Variants in KANK1 observed in about 807,000 individuals in gnomAD.
The protein encoded by KANK1 is KN motif and ankyrin repeat domain-containing protein 1.
A neutral mutation model predicts 106.2 loss-of-function variants in KANK1; 109 were observed. The ratio of observed to expected loss-of-function variants is 1.03; its 90% CI spans 0.88 to 1.20. The LOEUF is 1.20. Among genes scored for constraint, KANK1 ranks in the 50% most tolerant of loss-of-function variants. The probability of loss-of-function intolerance (pLI) is 0.00; values close to 1 mark genes in which losing one functional copy is unlikely to be tolerated. For missense variants in KANK1, 2,399 were observed against 1,710.7 expected (o/e 1.40, Z -7.10); for synonymous variants, 873 against 652.2 (o/e 1.34, Z -5.16).
chr9:712,134 G>A lies in KANK1; in HGVS notation c.1368G>A (p.Glu456=), dbSNP rs1250604570. 2 of 1,614,006 alleles carry A rather than the reference G, an allele frequency of 1.2e-6. No individual in the cohort carries two copies. The highest frequency in any genetic ancestry group is 1.3e-5 in the African/African-American group (1 of 74,936). The part of the protein sequence containing the change: ...GVMTEADKEI[E]LQQQTIESLK... ...TGACTGAAGCTGACAAAGAAATTGA[G>A]CTGCAACAGCAGACCATAGAATCCT... is the stretch of plus-strand genomic sequence containing the variant. Residue 456 remains glutamate (E), a synonymous_variant, in exon 3 of 12, where the codon GAG becomes GAA. Transcript: ENST00000382297.
intron 1 of KANK1, among the ~76,000 whole-genome samples, chr9:534,661 G>T (rs1251814530): frequency 6.6e-6 from 1 of 152,194 alleles, no homozygotes; most frequent in Non-Finnish European, 1.5e-5. Flanking sequence ...TCATCCTGGG[G>T]AATGAATTAC....
intron 1 of KANK1, among the ~76,000 whole-genome samples, chr9:616,585 C>T (rs1374046071): frequency 6.6e-6 from 1 of 152,166 alleles, no homozygotes; most frequent in Non-Finnish European, 1.5e-5. Context: ...TCTATCCTTC[C>T]ATCCAGGCTT....
intron 1 of KANK1, among the ~76,000 whole-genome samples, chr9:598,401 C>G (rs1264343186): frequency 6.6e-6 from 1 of 151,168 alleles, no homozygotes; most frequent in Non-Finnish European, 1.5e-5. Context: ...GCAAAAAGGG[C>G]TGTTGGAGTT....
chr9:615,354 G>A (rs1218655001), intron 1 of KANK1, among the ~76,000 whole-genome samples: 3 of 152,136 alleles, frequency 2.0e-5, no homozygotes, highest in African/African-American at 7.2e-5. Context: ...TAGTCCATCT[G>A]GCATCATATG....
At chr9:668,927 T>G (rs1052607573) in intron 1 of KANK1, among the ~76,000 whole-genome samples, 1 of 152,128 alleles carries the variant, frequency 6.6e-6, no homozygotes, top group Non-Finnish European at 1.5e-5. Flanking sequence ...TATGAGAATC[T>G]ATGCTGCTAA....
chr9:517,738 C>CTT (rs34749352), intron 1 of KANK1, among the ~76,000 whole-genome samples: 1 of 111,064 alleles, frequency 9.0e-6, no homozygotes, highest in African/African-American at 3.3e-5. Context: ...CTTGAGGATT[C>CTT]TTTTTTTTTT....
At chr9:638,495 G>A (rs1431191154) in intron 1 of KANK1, among the ~76,000 whole-genome samples, 2 of 152,138 alleles carry the variant, frequency 1.3e-5, no homozygotes, top group African/African-American at 4.8e-5. Flanking sequence ...TATAAACAGA[G>A]TTTCAGATAA....
chr9:638,780 C>T (rs1419966528), intron 1 of KANK1, among the ~76,000 whole-genome samples: 1 of 152,140 alleles, frequency 6.6e-6, no homozygotes, highest in East Asian at 1.9e-4. Context: ...TCTCCATCAG[C>T]GTATGGAAAT....
intron 6 of KANK1, 99 bp downstream of exon 6, chr9:732,716 T>G: frequency 1.5e-6 from 2 of 1,360,878 alleles, no homozygotes; most frequent in Non-Finnish European, 2.0e-6. Context: ...AAATGTTTGC[T>G]TTTATCTGTT....
intron 3 of KANK1, among the ~76,000 whole-genome samples, chr9:497,854 AC>A (rs35581969): frequency 0.19 from 27,586 of 148,468 alleles, 5,296 homozygotes; most frequent in African/African-American, 0.52. Context: ...CCCTGTATTA[AC>A]CCCCCACACA....
chr9:564,410 C>A (rs1254668545), intron 1 of KANK1, among the ~76,000 whole-genome samples: 6 of 152,140 alleles, frequency 3.9e-5, no homozygotes, highest in Non-Finnish European at 5.9e-5. Context: ...TTTTTCTCAC[C>A]AGACACCCTT....
At chr9:650,250 G>A (rs1323792041) in intron 1 of KANK1, among the ~76,000 whole-genome samples, 2 of 152,104 alleles carry the variant, frequency 1.3e-5, no homozygotes, top group Non-Finnish European at 2.9e-5. Context: ...GTTTGGGATT[G>A]GCCTCTGTGC....
intron 1 of KANK1, among the ~76,000 whole-genome samples, chr9:543,880 A>T (rs571562882): frequency 1.3e-5 from 2 of 152,180 alleles, no homozygotes; most frequent in African/African-American, 4.8e-5. Flanking sequence ...GGGCTTCTCT[A>T]TTAGGAGGCT....
In KANK1 at chr9:718,906, T is replaced by TC. The variant is rs200282458; in HGVS notation, c.2698+5446dup. ...TTCATGAATAATCTCTACTGCCTGTTCCCCAAACCATCATTTGGGCTTAAA... is the reference window on the plus strand; with the variant it reads ...TTCATGAATAATCTCTACTGCCTGTTCCCCCAAACCATCATTTGGGCTTAAA... On this transcript the variant is annotated intron_variant, in intron 3 of 11. Transcript: ENST00000382297. Among the ~76,000 whole-genome samples the TC allele has an allele frequency of 7.5e-3, 1,132 of 150,760 alleles. 16 individuals are homozygous for TC. The highest frequency in any genetic ancestry group is 0.025 in the African/African-American group (1,045 of 41,090).
intron 1 of KANK1, among the ~76,000 whole-genome samples, chr9:648,835 A>G (rs1209347475): frequency 6.6e-6 from 1 of 152,220 alleles, no homozygotes; most frequent in African/African-American, 2.4e-5. Flanking sequence ...TTTAAAATAG[A>G]AGCTGGGAGA....
chr9:553,677 G>C lies in KANK1; in HGVS notation c.-84+48923G>C, dbSNP rs576026269. Among the ~76,000 whole-genome samples, 25 of 152,278 alleles carry C rather than the reference G, an allele frequency of 1.6e-4. No individual in the cohort carries two copies. The South Asian group carries it at 3.3e-3, about 20-fold the overall frequency. ...GGATTTTGTTCCAGAGATGAAGTATGAGAAAAATATAAGCCAATTGTTCAG... is the reference window on the plus strand; with the variant it reads ...GGATTTTGTTCCAGAGATGAAGTATCAGAAAAATATAAGCCAATTGTTCAG... On this transcript the variant is annotated intron_variant, in intron 1 of 11. Transcript: ENST00000382297.
chr9:672,877 A>G (rs995256875), intron 1 of KANK1, among the ~76,000 whole-genome samples: 1 of 152,154 alleles, frequency 6.6e-6, no homozygotes, highest in African/African-American at 2.4e-5. Flanking sequence ...ATTTTCCTAA[A>G]TCGTTTCGCA....
chr9:506,547 TGC>T (rs1332906409), intron 1 of KANK1, among the ~76,000 whole-genome samples: 1 of 151,908 alleles, frequency 6.6e-6, no homozygotes, highest in East Asian at 1.9e-4. Context: ...TGTGTGTGTG[TGC>T]GTGTGCGTGC....
chr9:555,237 T>C (rs1458528706), intron 1 of KANK1, among the ~76,000 whole-genome samples: 2 of 152,196 alleles, frequency 1.3e-5, no homozygotes, highest in African/African-American at 2.4e-5. Context: ...CAAAGCAGGA[T>C]GGCGATCTGA....
Sources: gnomAD v4.1 joint callset for allele counts (sites outside exome capture counted in the v4.1 genomes callset) on GRCh38, gnomAD v4.1.1 for gene constraint, MANE v1.5 for transcripts, NCBI Gene and HGNC (gene_info 2026-07-23, HGNC 2026-07-21) for gene names.